Variants in HARS2 observed in about 807,000 individuals in gnomAD.
The protein encoded by HARS2 is histidyl-tRNA synthetase 2, mitochondrial.
HARS2 carries 40 observed loss-of-function variants against 62.4 expected under a neutral mutation model. That is an observed-to-expected ratio of 0.64 (90% CI 0.50 to 0.83). The LOEUF is 0.83. HARS2 is among the 40% of genes least tolerant of loss of function. HARS2 has a pLI of 0.00. For missense variants in HARS2, 569 were observed against 626.4 expected (o/e 0.91, Z 0.98); for synonymous variants, 228 against 227.0 (o/e 1.00, Z -0.04).
intron 1 of HARS2, chr5:140,691,989 T>G (rs1160334797): frequency 1.7e-6 from 1 of 587,538 alleles, no homozygotes; most frequent in Admixed American, 3.0e-5. Context: ...GCTGCAAGAT[T>G]AAATGAATGA....
intron 1 of HARS2, chr5:140,692,170 A>T (rs1161406780): frequency 5.4e-6 from 1 of 183,578 alleles, no homozygotes; most frequent in African/African-American, 2.4e-5. Context: ...TTACCTCAAA[A>T]TGAATCTCAG....
At chr5:140,695,708 T>A in intron 5 of HARS2, 30 bp from the exon 6 acceptor site, 1 of 1,613,224 alleles carries the variant, frequency 6.2e-7, no homozygotes, top group Non-Finnish European at 8.5e-7. Flanking sequence ...GGATAATGGA[T>A]GTTTTTTCCC....
chr5:140,693,856 A>G, intron 2 of HARS2, 79 bp from the exon 3 acceptor site: 2 of 1,520,688 alleles, frequency 1.3e-6, no homozygotes, highest in Non-Finnish European at 1.8e-6. Context: ...AGATTACATA[A>G]TAAGTGTAGT....
intron 8 of HARS2, 69 bp downstream of exon 8, chr5:140,696,683 C>G: frequency 9.3e-7 from 1 of 1,072,438 alleles, no homozygotes; most frequent in East Asian, 2.4e-5. Context: ...AATTCTACCT[C>G]TGAAACAACT....
Position 140,695,602 on chromosome 5 carries a change from T to C in HARS2, c.494T>C (p.Val165Ala). 1 of 1,614,200 alleles carries C rather than the reference T, an allele frequency of 6.2e-7. No individual in the cohort carries two copies. The highest frequency in any genetic ancestry group is 8.5e-7 in the Non-Finnish European group (1 of 1,180,026). The change falls in exon 5 of 13, where the codon GTC becomes GCC. Residue 165 changes from valine (V) to alanine (A), a missense_variant. Coordinates refer to ENST00000230771, the MANE Select transcript of HARS2 (RefSeq NM_012208.4). ...TGGCGGCGAGAGAGCCCAACCATAGTCCAAGGCCGTTATAGGGAGTTCTGC... is the reference window on the plus strand; with the variant it reads ...TGGCGGCGAGAGAGCCCAACCATAGCCCAAGGCCGTTATAGGGAGTTCTGC... Reference protein sequence around the residue: ...KVWRRESPTIVQGRYREFCQC... With the variant: ...KVWRRESPTIAQGRYREFCQC...
In HARS2 at chr5:140,696,937, C is replaced by T. The variant is rs1156396342; in HGVS notation, c.827-6C>T. ...AGTGAACAGCAGAGACTTTATTTCT[C>T]TCCAGGTGGGGTATCCCTAGTAGAG... On this transcript the variant is annotated splice_region_variant and splice_polypyrimidine_tract_variant and intron_variant, in intron 8 of 12. Transcript: ENST00000230771. 1.2e-6 allele frequency: 2 copies of T among 1,609,606 alleles called. No individual in the cohort carries two copies. The highest frequency in any genetic ancestry group is 1.7e-5 in the Admixed American group (1 of 59,690).
At position 140,697,700 on chromosome 5, in the gene HARS2, A is replaced by G; in HGVS notation, c.1314+15A>G. On this transcript the variant is annotated intron_variant, in intron 11 of 12. Transcript: ENST00000230771. Reference sequence around the variant, plus strand: ...CTGGAATCAAGGTATGGTGGAGCTGATATCTGAGCCATCTGGGTATGTGTG... The same window carrying G: ...CTGGAATCAAGGTATGGTGGAGCTGGTATCTGAGCCATCTGGGTATGTGTG... 3 of 1,538,480 alleles carry G rather than the reference A, an allele frequency of 1.9e-6. No homozygotes were observed. The highest frequency in any genetic ancestry group is 1.7e-5 in the Admixed American group (1 of 59,926).
chr5:140,697,682 C>T lies in HARS2; in HGVS notation c.1311C>T (p.Ile437=). The T allele has an allele frequency of 1.3e-6, 2 of 1,599,990 alleles. No homozygotes were observed. Among genetic ancestry groups the T allele is most frequent in the Non-Finnish European group, 1.7e-6 (2 of 1,167,104 alleles). The stretch of plus-strand genomic sequence containing the variant: ...TTGCAGAGCTTTGGGATTCTGGAAT[C>T]AAGGTATGGTGGAGCTGATATCTGA... ...KLIAELWDSG[I]KAEMLYKNNP... Residue 437 remains isoleucine (I), a synonymous_variant, in exon 11 of 13, where the codon ATC becomes ATT. Transcript: ENST00000230771.
intron 1 of HARS2, 184 bp downstream of exon 1, chr5:140,691,940 T>G (rs1406474466): frequency 1.6e-6 from 1 of 610,642 alleles, no homozygotes; most frequent in African/African-American, 1.8e-5. Flanking sequence ...CTTGAGAGGT[T>G]GGAGTTTTGA....
rs1394310148 is a variant in HARS2 at position 140,691,494 on chromosome 5, C to T, written c.-155C>T. On this transcript the variant is annotated 5_prime_UTR_variant, in exon 1 of 13. Coordinates refer to ENST00000230771, the MANE Select transcript of HARS2 (RefSeq NM_012208.4). ...CTAAGGGAACTTGGGAGGATCCCAC[C>T]TCAGCCTTCGTGACTAGTGAGGTGC... 5.5e-6 allele frequency: 4 copies of T among 728,764 alleles called. No individual in the cohort carries two copies. Among genetic ancestry groups the T allele is most frequent in the Admixed American group, 4.3e-5 (2 of 46,788 alleles). The allele number at this position is 728,764 out of a possible 1,614,324, so 45.1% of individuals were successfully genotyped here.
In HARS2 at chr5:140,697,417, G is replaced by C; in HGVS notation, c.1197+11G>C. 6.2e-7 allele frequency: 1 copy of C among 1,613,752 alleles called. No homozygotes were observed. Among genetic ancestry groups the C allele is most frequent in the Non-Finnish European group, 8.5e-7 (1 of 1,180,038 alleles). On this transcript the variant is annotated intron_variant, in intron 10 of 12. Coordinates refer to ENST00000230771, the MANE Select transcript of HARS2 (RefSeq NM_012208.4). ...GAGCAGAGGATGAAGGTAGGTCCTA[G>C]ATAGGTGTGAGGTGGGGCTGGAGAC...
At chr5:140,696,347 C>A in intron 7 of HARS2, 146 bp downstream of exon 7, 1 of 798,960 alleles carries the variant, frequency 1.3e-6, no homozygotes, top group Non-Finnish European at 2.2e-6. Context: ...GAAGGAAGAT[C>A]TGAGTCATGC....
Position 140,691,702 on chromosome 5 carries a change from G to A in HARS2, c.54G>A (p.Gln18=). The A allele has an allele frequency of 6.4e-7, 1 of 1,552,620 alleles. No homozygotes were observed. The part of the protein sequence containing the change: ...PRRAWASLLS[Q]LLRPPCASCT... ...GGGCCTGGGCTTCGCTGCTCAGCCA[G>A]CTCCTGCGACCGCCCTGCGCTTCGT... is the stretch of plus-strand genomic sequence containing the variant. The change falls in exon 1 of 13, where the codon CAG becomes CAA. Residue 18 remains glutamine, a synonymous_variant. Transcript: ENST00000230771.
At chr5:140,695,440 C>T in intron 4 of HARS2, 68 bp from the exon 5 acceptor site, 1 of 1,583,146 alleles carries the variant, frequency 6.3e-7, no homozygotes, top group African/African-American at 1.3e-5. Context: ...CCCAGTCCTC[C>T]CTAATGTCTG....
In HARS2 at chr5:140,696,959, A is replaced by G. The variant is rs767384295; in HGVS notation, c.843A>G (p.Val281=). ...YVQCHGGVSL[V]EQMFQDPRLS... ...TCTCTCCAGGTGGGGTATCCCTAGT[A>G]GAGCAAATGTTTCAGGATCCCAGAC... The change falls in exon 9 of 13, where the codon GTA becomes GTG. Residue 281 remains valine, a synonymous_variant. Coordinates refer to ENST00000230771, the MANE Select transcript of HARS2 (RefSeq NM_012208.4). 1.9e-6 allele frequency: 3 copies of G among 1,613,556 alleles called. No individual in the cohort carries two copies. The highest frequency in any genetic ancestry group is 1.1e-5 in the South Asian group (1 of 91,020).
rs1759667259 is a variant in HARS2 at position 140,694,347 on chromosome 5, G to A, written c.399+67G>A. 1.6e-5 allele frequency: 17 copies of A among 1,063,478 alleles called. No individual in the cohort carries two copies. The South Asian group carries it at 1.9e-4, about 12-fold the overall frequency. The allele number at this position is 1,063,478 out of a possible 1,614,324, so 65.9% of individuals were successfully genotyped here. A position where few individuals can be genotyped will look rare whatever the true frequency, so the allele number is the denominator to read the frequency against. On this transcript the variant is annotated intron_variant, in intron 4 of 12. Coordinates refer to ENST00000230771, the MANE Select transcript of HARS2 (RefSeq NM_012208.4). ...ATCCAGCGGGCTTTCTCTGACAAAAGTGGAGAACGTGACTTTGGGATCTTA... is the reference window on the plus strand; with the variant it reads ...ATCCAGCGGGCTTTCTCTGACAAAAATGGAGAACGTGACTTTGGGATCTTA...
At position 140,693,952 on chromosome 5, in the gene HARS2, T is replaced by G; in HGVS notation, c.201T>G (p.Ser67Arg). 6.2e-7 allele frequency: 1 copy of G among 1,614,072 alleles called. No individual in the cohort carries two copies. The highest frequency in any genetic ancestry group is 8.5e-7 in the Non-Finnish European group (1 of 1,179,920). The change falls in exon 3 of 13, where the codon AGT becomes AGG. Residue 67 changes from serine to arginine, a missense_variant. Physicochemically the swap from Ser to Arg is moderately radical, Grantham distance 110. Coordinates refer to ENST00000230771, the MANE Select transcript of HARS2 (RefSeq NM_012208.4). The part of the protein sequence containing the change: ...IKTPKGTRDL[S>R]PQHMVVREKI... ...GTTTCCAGGGTACCAGGGATCTTAG[T>G]CCTCAGCATATGGTTGTGAGGGAGA...
At position 140,698,657 on chromosome 5, in the gene HARS2, G is replaced by C; in HGVS notation, c.*105G>C. Reference sequence around the variant, plus strand: ...ACTTCACAACAACTAGCCAGGAAGGGTGACAAGTACCTTCTGCCTCCTCCA... The same window carrying C: ...ACTTCACAACAACTAGCCAGGAAGGCTGACAAGTACCTTCTGCCTCCTCCA... On this transcript the variant is annotated 3_prime_UTR_variant, in exon 13 of 13. Coordinates refer to ENST00000230771, the MANE Select transcript of HARS2 (RefSeq NM_012208.4). The C allele has an allele frequency of 1.1e-6, 1 of 922,794 alleles. No homozygotes were observed. Among genetic ancestry groups the C allele is most frequent in the Non-Finnish European group, 1.8e-6 (1 of 549,174 alleles). The allele number at this position is 922,794 out of a possible 1,614,324, so 57.2% of individuals were successfully genotyped here.
In HARS2 at chr5:140,696,134, T is replaced by C. The variant is rs1441304446; in HGVS notation, c.665T>C (p.Phe222Ser). The change falls in exon 7 of 13, where the codon TTT becomes TCT. Residue 222 changes from phenylalanine (F) to serine (S), a missense_variant. By Grantham distance (155) the Phe-to-Ser change is radical. Coordinates refer to ENST00000230771, the MANE Select transcript of HARS2 (RefSeq NM_012208.4). ...GACCGGCGGATTGTGGATGGGATGT[T>C]TGCTGTCTGTGGTGTTCCTGAAAGC... ...VNDRRIVDGM[F>S]AVCGVPESKF... 2.5e-6 allele frequency: 4 copies of C among 1,613,900 alleles called. No individual in the cohort carries two copies. Among genetic ancestry groups the C allele is most frequent in the Non-Finnish European group, 3.4e-6 (4 of 1,179,984 alleles).
Sources: allele counts gnomAD v4.1 joint callset, GRCh38; gene constraint gnomAD v4.1.1; transcripts MANE v1.5; gene names NCBI Gene and HGNC (gene_info 2026-07-23, HGNC 2026-07-21).